The following NOTCH2 variants were observed in gnomAD, a reference collection of about 807,000 sequenced individuals.
NOTCH2 encodes the protein neurogenic locus notch homolog protein 2.
In NOTCH2, 29 loss-of-function variants were observed where a neutral mutation model predicts 235.8. That is an observed-to-expected ratio of 0.12 (90% confidence interval 0.09 to 0.17). NOTCH2 has a LOEUF of 0.17. Among genes scored for constraint, NOTCH2 ranks in the 10% least tolerant of loss-of-function variants. The pLI is 1.00. For synonymous variants in NOTCH2, 1,086 were observed against 1,141.5 expected, an observed-to-expected ratio of 0.95 and a Z score of 0.98; for missense variants, 2,285 against 3,150.2, an observed-to-expected ratio of 0.73 and a Z score of 6.57.
intron 21 of NOTCH2, among the ~76,000 whole-genome samples, chr1:119,936,854 CA>C (rs1649868814): frequency 6.7e-6 from 1 of 150,058 alleles, no homozygotes; most frequent in South Asian, 2.1e-4. Flanking sequence ...GGATGAGCAA[CA>C]TTTTTTTTTT....
chr1:119,988,387 T>C (rs782614134), intron 4 of NOTCH2, among the ~76,000 whole-genome samples: 2 of 152,198 alleles, frequency 1.3e-5, no homozygotes, highest in African/African-American at 4.8e-5. Context: ...AAGGAAATTA[T>C]ATTTCTCCAA....
At chr1:120,051,246 C>CACAA (rs1242968842) in intron 1 of NOTCH2, among the ~76,000 whole-genome samples, 1 of 103,208 alleles carries the variant, frequency 9.7e-6, no homozygotes, top group Non-Finnish European at 1.7e-5. Flanking sequence ...CACACACACA[C>CACAA]ACACACACAC....
rs782269360 is a variant in NOTCH2 at position 119,948,560 on chromosome 1, C to T, written c.2606G>A (p.Arg869Gln). ...CLCAPGWQGQ[R>Q]CTIDIDECIS... ...ACACTCGTCAATGTCAATGGTACAC[C>T]GCTGACCTAGGAACACAGGGCCAAT... Residue 869 changes from arginine to glutamine, a missense_variant, in exon 17 of 34, where the codon CGG (arginine) becomes CAG (glutamine). Around this residue, in one of 6 missense-constraint regions of NOTCH2, gnomAD observed 1,173 missense variants for 1,515.3 expected, o/e 0.77. Coordinates refer to ENST00000256646, the MANE Select transcript of NOTCH2 (RefSeq NM_024408.4). 32 of 1,614,028 alleles carry T rather than the reference C, an allele frequency of 2.0e-5. No homozygotes were observed. Among genetic ancestry groups the T allele is most frequent in the Middle Eastern group, 1.6e-4 (1 of 6,084 alleles).
chr1:119,952,862 A>T (rs914729928), intron 14 of NOTCH2, among the ~76,000 whole-genome samples: 1 of 152,228 alleles, frequency 6.6e-6, no homozygotes. Context: ...TTCTTCCTTG[A>T]TATTACTACT....
intron 6 of NOTCH2, among the ~76,000 whole-genome samples, chr1:119,968,918 A>G (rs1233368713): frequency 6.6e-6 from 1 of 152,270 alleles, no homozygotes; most frequent in Non-Finnish European, 1.5e-5. Context: ...GAACATTTCA[A>G]AACTGCTGGG....
intron 13 of NOTCH2, 131 bp downstream of exon 13, chr1:119,954,909 G>T: frequency 1.2e-6 from 1 of 859,988 alleles, no homozygotes; most frequent in Non-Finnish European, 1.9e-6. Flanking sequence ...AGGCTTTGAT[G>T]CAGACTACCA....
At chr1:119,918,902 G>GCCCT (rs1649176193) in intron 31 of NOTCH2, among the ~76,000 whole-genome samples, 1 of 152,138 alleles carries the variant, frequency 6.6e-6, no homozygotes, top group African/African-American at 2.4e-5. Flanking sequence ...CAGGCATCAG[G>GCCCT]GAATATAATA....
intron 2 of NOTCH2, among the ~76,000 whole-genome samples, chr1:120,027,718 C>T (rs1295961091): frequency 6.7e-6 from 1 of 149,638 alleles, no homozygotes; most frequent in Admixed American, 6.7e-5. Flanking sequence ...TGAGTGAGAA[C>T]ATGCCGTGTT....
chr1:120,002,845 G>A (rs1553205676), intron 3 of NOTCH2, among the ~76,000 whole-genome samples: 1 of 148,322 alleles, frequency 6.7e-6, no homozygotes, highest in Non-Finnish European at 1.5e-5. Flanking sequence ...GTGTGTTTCC[G>A]GATGTATGAA....
chr1:120,024,237 CCTGT>C (rs1411963546), intron 2 of NOTCH2, among the ~76,000 whole-genome samples: 3 of 92,546 alleles, frequency 3.2e-5, no homozygotes, highest in African/African-American at 8.5e-5. Flanking sequence ...GATATTTTTC[CCTGT>C]CTATTTCTTT....
rs1649821089 is a variant in NOTCH2, at chr1:119,935,608, C to T, written c.3523-4G>A. 4 of 1,613,896 alleles carry T rather than the reference C, an allele frequency of 2.5e-6. No individual in the cohort carries two copies. Among genetic ancestry groups the T allele is most frequent in the Non-Finnish European group, 2.5e-6 (3 of 1,180,008 alleles). On this transcript the variant is annotated splice_region_variant and splice_polypyrimidine_tract_variant and intron_variant, in intron 21 of 33. Coordinates refer to ENST00000256646, the MANE Select transcript of NOTCH2 (RefSeq NM_024408.4). Reference sequence around the variant, plus strand: ...CACCCTGATAGCCTGGGACACACTGCCATGAGGAAACAAAAAGGACAAGAA... The same window carrying T: ...CACCCTGATAGCCTGGGACACACTGTCATGAGGAAACAAAAAGGACAAGAA...
chr1:119,915,245 A>C lies in NOTCH2; in HGVS notation c.*61T>G. On this transcript the variant is annotated 3_prime_UTR_variant, in exon 34 of 34. Transcript: ENST00000256646. ...TTCATTTCTCTCCCGGATGACCTTC[A>C]TTTGTTCCTCAGCAGCATTTACAAA... 6.5e-7 allele frequency: 1 copy of C among 1,547,528 alleles called. No homozygotes were observed. The highest frequency in any genetic ancestry group is 8.9e-7 in the Non-Finnish European group (1 of 1,124,958).
At chr1:119,971,873 T>C (rs1241403715) in intron 5 of NOTCH2, among the ~76,000 whole-genome samples, 1 of 152,154 alleles carries the variant, frequency 6.6e-6, no homozygotes, top group Admixed American at 6.5e-5. Flanking sequence ...AACAGGTCTT[T>C]CTAATTTGAA....
At chr1:119,950,569 G>T (rs1328608252) in intron 15 of NOTCH2, 155 bp downstream of exon 15, 4 of 713,120 alleles carry the variant, frequency 5.6e-6, no homozygotes, top group African/African-American at 5.2e-5. Context: ...TTTCCTCAAA[G>T]CTCAAGATCC....
intron 5 of NOTCH2, among the ~76,000 whole-genome samples, chr1:119,981,367 A>C (rs782008957): frequency 6.6e-6 from 1 of 152,166 alleles, no homozygotes; most frequent in Non-Finnish European, 1.5e-5. Context: ...AGTCAATTTT[A>C]CCACTCTTAA....
In NOTCH2 at chr1:119,925,572, G is replaced by C. The variant is rs758275919; in HGVS notation, c.4244C>G (p.Thr1415Arg). The C allele has an allele frequency of 2.5e-6, 4 of 1,614,032 alleles. No homozygotes were observed. In the African/African-American group the frequency reaches 5.3e-5, roughly 22 times the overall value. ...PFSGSRCELYTAPPSTPPATC... is the reference protein window; with the variant it reads ...PFSGSRCELYRAPPSTPPATC... Reference sequence around the variant, plus strand: ...GGCAGGAGGGGTGCTGGGGGGTGCCGTGTAGAGTTCACAGCGGCTACCCGA... The same window carrying C: ...GGCAGGAGGGGTGCTGGGGGGTGCCCTGTAGAGTTCACAGCGGCTACCCGA... The change falls in exon 25 of 34, where the codon ACG (threonine) becomes AGG (arginine). Residue 1415 changes from threonine (T) to arginine (R), a missense_variant. By Grantham distance (71) the Thr-to-Arg change is moderately conservative (BLOSUM62 -1). This residue lies in a region of NOTCH2 where 1,173 missense variants were observed against 1,515.3 expected (regional missense o/e 0.77). Transcript: ENST00000256646.
Position 119,911,700 on chromosome 1 carries a change from A to G in NOTCH2, c.*3606T>C, listed in dbSNP as rs1256249084. On this transcript the variant is annotated 3_prime_UTR_variant, in exon 34 of 34. Coordinates refer to ENST00000256646, the MANE Select transcript of NOTCH2 (RefSeq NM_024408.4). ...GGAATGTTACAAACCAATCATTTAC[A>G]TAACAGCATAATTAATATTATGACT... The G allele has an allele frequency of 4.3e-6, 1 of 233,104 alleles. No homozygotes were observed. The highest frequency in any genetic ancestry group is 2.2e-5 in the African/African-American group (1 of 45,362). 14.4% of individuals were successfully genotyped at this position (233,104 alleles called of 1,614,324 possible). A position where few individuals can be genotyped will look rare whatever the true frequency, so the allele number is the denominator to read the frequency against.
rs1655692193 is a variant in NOTCH2 at position 120,069,616 on chromosome 1, G to A, written c.-210C>T. ...CTCCTCGGCCGCCGCCTCAGCCGCCGCCCGAAGTTTGGCTGAAACTTTCTC... is the reference window on the plus strand; with the variant it reads ...CTCCTCGGCCGCCGCCTCAGCCGCCACCCGAAGTTTGGCTGAAACTTTCTC... On this transcript the variant is annotated 5_prime_UTR_variant, in exon 1 of 34. Coordinates refer to ENST00000256646, the MANE Select transcript of NOTCH2 (RefSeq NM_024408.4). 1 of 1,406,790 alleles carries A rather than the reference G, an allele frequency of 7.1e-7. No individual in the cohort carries two copies. The highest frequency in any genetic ancestry group is 9.2e-7 in the Non-Finnish European group (1 of 1,088,622). The allele number at this position is 1,406,790 out of a possible 1,614,324, so 87.1% of individuals were successfully genotyped here. A position where few individuals can be genotyped will look rare whatever the true frequency, so the allele number is the denominator to read the frequency against.
chr1:119,944,876 G>A (rs1403665666), intron 17 of NOTCH2, among the ~76,000 whole-genome samples: 1 of 151,904 alleles, frequency 6.6e-6, no homozygotes, highest in Admixed American at 6.6e-5. Context: ...AATATTCAAG[G>A]GATTTTTTCA....
Sources: allele counts gnomAD v4.1 joint callset (sites outside exome capture counted in the v4.1 genomes callset), GRCh38; gene constraint gnomAD v4.1.1; regional missense constraint gnomAD v4.1.1; transcripts MANE v1.5; gene names NCBI Gene and HGNC (gene_info 2026-07-23, HGNC 2026-07-21).